Variants in CEMIP2 observed in about 807,000 individuals in gnomAD.
CEMIP2 encodes cell migration inducing hyaluronidase 2, also known as cell surface hyaluronidase CEMIP2.
A neutral mutation model predicts 146.9 loss-of-function variants in CEMIP2; 79 were observed. That is an observed-to-expected ratio of 0.54 (90% CI 0.45 to 0.65). The LOEUF (loss-of-function observed/expected upper bound fraction) is 0.65. CEMIP2 is among the 30% of genes least tolerant of loss of function. The pLI is 0.00. For synonymous variants in CEMIP2, 601 were observed against 606.3 expected (o/e 0.99, Z 0.13); for missense variants, 1,596 against 1,696.2 (o/e 0.94, Z 1.04).
Position 71,745,595 on chromosome 9 carries a change from C to T in CEMIP2, c.473-16G>A. On this transcript the variant is annotated splice_polypyrimidine_tract_variant and intron_variant, in intron 3 of 23. Transcript: ENST00000377044. The stretch of plus-strand genomic sequence containing the variant: ...ACAAGCAGTCCTGCAGGGAACACCA[C>T]CCTGTAAGCCAACTTCTAAATCATC... The T allele has an allele frequency of 6.5e-7, 1 of 1,548,444 alleles. No individual in the cohort carries two copies. Among genetic ancestry groups the T allele is most frequent in the Non-Finnish European group, 8.7e-7 (1 of 1,152,038 alleles).
At chr9:71,709,157 G>C (rs1822834339) in intron 17 of CEMIP2, 102 bp downstream of exon 17, 1 of 1,068,814 alleles carries the variant, frequency 9.4e-7, no homozygotes, top group African/African-American at 1.5e-5. Context: ...ATCATACTTT[G>C]GAAAATGTCA....
At chr9:71,751,286 T>G (rs1824245959) in intron 1 of CEMIP2, among the ~76,000 whole-genome samples, 1 of 152,188 alleles carries the variant, frequency 6.6e-6, no homozygotes. Flanking sequence ...CATAATGACT[T>G]CTTGAAAATA....
intron 20 of CEMIP2, among the ~76,000 whole-genome samples, chr9:71,696,214 T>C (rs2131868154): frequency 1.3e-5 from 2 of 152,326 alleles, no homozygotes; most frequent in African/African-American, 4.8e-5. Context: ...ACAAAGTCTC[T>C]TCAGTATTGA....
chr9:71,745,173 C>T lies in CEMIP2; in HGVS notation c.879G>A (p.Glu293=), dbSNP rs893984698. 3 of 1,614,030 alleles carry T rather than the reference C, an allele frequency of 1.9e-6. No homozygotes were observed. Among genetic ancestry groups the T allele is most frequent in the South Asian group, 1.1e-5 (1 of 91,086 alleles). The change falls in exon 4 of 24, where the codon GAG becomes GAA. Residue 293 remains glutamate, a synonymous_variant. Coordinates refer to ENST00000377044, the MANE Select transcript of CEMIP2 (RefSeq NM_013390.3). ...ERFDTHEYRN[E]SRRLQEFLRF... ...TCAGAAACTCCTGAAGCCGCCTGCT[C>T]TCATTGCGGTATTCATGGGTATCAA... is the stretch of plus-strand genomic sequence containing the variant.
At chr9:71,749,522 A>C (rs917435240) in intron 2 of CEMIP2, among the ~76,000 whole-genome samples, 8 of 152,004 alleles carry the variant, frequency 5.3e-5, no homozygotes, top group African/African-American at 1.9e-4. Flanking sequence ...CCTGGCCAAC[A>C]TGGTGAAACC....
intron 1 of CEMIP2, among the ~76,000 whole-genome samples, chr9:71,751,402 C>T (rs1318860083): frequency 6.6e-6 from 1 of 152,202 alleles, no homozygotes; most frequent in Non-Finnish European, 1.5e-5. Context: ...AGTGTAATCA[C>T]CCGCTAAGGT....
At chr9:71,712,486 A>G in intron 15 of CEMIP2, 1 of 487,992 alleles carries the variant, frequency 2.0e-6, no homozygotes, top group Non-Finnish European at 3.6e-6. Context: ...TATAGAGACC[A>G]TAAGACACAA....
intron 10 of CEMIP2, among the ~76,000 whole-genome samples, chr9:71,728,241 A>ATACATATATATATACG (rs1229470172): frequency 2.1e-5 from 1 of 48,082 alleles, no homozygotes; most frequent in Non-Finnish European, 4.5e-5. Flanking sequence ...CTATATATAT[A>ATACATATATATATACG]TATATATATG....
At chr9:71,712,505 T>C in intron 15 of CEMIP2, 1 of 356,120 alleles carries the variant, frequency 2.8e-6, no homozygotes, top group Non-Finnish European at 5.0e-6. Flanking sequence ...AACATTATCA[T>C]AGATTGGGTG....
At chr9:71,767,871 AC>A (rs759075236) in intron 1 of CEMIP2, among the ~76,000 whole-genome samples, 57 of 152,068 alleles carry the variant, frequency 3.7e-4, no homozygotes, top group Non-Finnish European at 7.6e-4. Context: ...GACAAAGATG[AC>A]CCCAAACGCA....
At chr9:71,698,513 A>T (rs17057129) in intron 19 of CEMIP2, among the ~76,000 whole-genome samples, 1 of 152,082 alleles carries the variant, frequency 6.6e-6, no homozygotes, top group East Asian at 1.9e-4. Context: ...TGGCTCAAAA[A>T]TTCCTTGGAA....
intron 17 of CEMIP2, among the ~76,000 whole-genome samples, chr9:71,707,444 C>G (rs1000113205): frequency 6.6e-6 from 1 of 152,112 alleles, no homozygotes; most frequent in African/African-American, 2.4e-5. Flanking sequence ...GTCTTTATTC[C>G]TCTTAAGCCC....
At position 71,758,084 on chromosome 9, in the gene CEMIP2, G is replaced by C. The variant is rs1302375025; in HGVS notation, c.-12-7699C>G. The stretch of plus-strand genomic sequence containing the variant: ...ACCTATTCTATTCCCAGAGCACACA[G>C]GATAATATACATTTTTTAAAAAAAC... On this transcript the variant is annotated intron_variant, in intron 1 of 23. Transcript: ENST00000377044. Among the ~76,000 whole-genome samples, 3 of 152,176 alleles carry C rather than the reference G, an allele frequency of 2.0e-5. No homozygotes were observed. The East Asian group carries it at 5.8e-4, about 29-fold the overall frequency.
intron 16 of CEMIP2, 58 bp from the exon 17 acceptor site, chr9:71,709,532 C>A (rs1822847652): frequency 1.0e-5 from 15 of 1,429,864 alleles, no homozygotes; most frequent in Non-Finnish European, 1.5e-5. Context: ...ATCTCAGCAT[C>A]CCCTGCAATG....
intron 1 of CEMIP2, among the ~76,000 whole-genome samples, chr9:71,763,099 T>G (rs1445459899): frequency 4.6e-5 from 7 of 152,218 alleles, no homozygotes; most frequent in Middle Eastern, 6.8e-3. Flanking sequence ...CTCATTTTTC[T>G]AATTCCTCCT....
Position 71,739,327 on chromosome 9 carries a change from A to C in CEMIP2, c.1204+736T>G, listed in dbSNP as rs557285417. Reference sequence around the variant, plus strand: ...GGTTGCAGTGAGATCATGCCACTGCACTCCAGCCTGGGTGACAGAGTGAGA... The same window carrying C: ...GGTTGCAGTGAGATCATGCCACTGCCCTCCAGCCTGGGTGACAGAGTGAGA... On this transcript the variant is annotated intron_variant, in intron 5 of 23. Transcript: ENST00000377044. Among the ~76,000 whole-genome samples, 6 of 110,570 alleles carry C rather than the reference A, an allele frequency of 5.4e-5. No individual in the cohort carries two copies. The East Asian group carries it at 1.7e-3, about 31-fold the overall frequency. The allele number at this position is 110,570 out of a possible 152,430, so 72.5% of individuals were successfully genotyped here.
intron 20 of CEMIP2, among the ~76,000 whole-genome samples, chr9:71,695,935 G>C (rs1159264562): frequency 1.3e-5 from 2 of 151,932 alleles, no homozygotes; most frequent in South Asian, 2.1e-4. Context: ...AGGCAACATA[G>C]TGAGACCCCG....
intron 19 of CEMIP2, among the ~76,000 whole-genome samples, chr9:71,699,620 G>C (rs1022523026): frequency 6.6e-6 from 1 of 152,006 alleles, no homozygotes; most frequent in East Asian, 1.9e-4. Flanking sequence ...ACTGAGCCCC[G>C]ACTTCATTCC....
Position 71,709,269 on chromosome 9 carries a change from G to A in CEMIP2, c.2975C>T (p.Thr992Ile). The A allele has an allele frequency of 6.2e-7, 1 of 1,614,178 alleles. No homozygotes were observed. The highest frequency in any genetic ancestry group is 8.5e-7 in the Non-Finnish European group (1 of 1,180,006). Residue 992 changes from threonine to isoleucine, a missense_variant, in exon 17 of 24, where the codon ACC becomes ATC. Transcript: ENST00000377044. Reference protein sequence around the residue: ...SKWNAVICSGTYAQVYVQTWS... With the variant: ...SKWNAVICSGIYAQVYVQTWS... ...ATTTGCTAAGCCTACCTGTGCATAG[G>A]TCCCACTGCAGATCACTGCATTCCA...
Sources: gnomAD v4.1 joint callset for allele counts (sites outside exome capture counted in the v4.1 genomes callset) on GRCh38, gnomAD v4.1.1 for gene constraint, MANE v1.5 for transcripts, NCBI Gene and HGNC (gene_info 2026-07-23, HGNC 2026-07-21) for gene names.